The following EPB41L1 variants were observed in gnomAD, a reference collection of about 807,000 sequenced individuals.
EPB41L1 encodes the protein erythrocyte membrane protein band 4.1 like 1.
A neutral mutation model predicts 97.8 loss-of-function variants in EPB41L1; 29 were observed. That is an observed-to-expected ratio of 0.30 (90% CI 0.22 to 0.40). The LOEUF is 0.40. Among genes scored for constraint, EPB41L1 ranks in the 10% least tolerant of loss-of-function variants. The pLI, the probability that EPB41L1 is intolerant of heterozygous loss-of-function variation, is 1.00. For missense variants in EPB41L1, 812 were observed against 1,162.3 expected (o/e 0.70, Z 4.38); for synonymous variants, 383 against 459.2 (o/e 0.83, Z 2.12).
At chr20:36,218,323 C>T (rs1427815176) in intron 17 of EPB41L1, among the ~76,000 whole-genome samples, 1 of 152,152 alleles carries the variant, frequency 6.6e-6, no homozygotes, top group South Asian at 2.1e-4. Context: ...AAAATGATGC[C>T]TCGCACATAG....
chr20:36,167,504 C>T (rs1342264206), intron 1 of EPB41L1, among the ~76,000 whole-genome samples: 1 of 151,878 alleles, frequency 6.6e-6, no homozygotes, highest in East Asian at 1.9e-4. Context: ...CTCAGGAGTT[C>T]AAGACCACCC....
At chr20:36,215,541 T>A (rs771450963) in intron 17 of EPB41L1, among the ~76,000 whole-genome samples, 11 of 152,180 alleles carry the variant, frequency 7.2e-5, no homozygotes, top group Admixed American at 6.5e-5. Flanking sequence ...CACAGAAATT[T>A]TAAAATCAAT....
At chr20:36,218,815 C>T (rs371685742) in intron 17 of EPB41L1, 61 bp from the exon 18 acceptor site, 46 of 1,505,508 alleles carry the variant, frequency 3.1e-5, no homozygotes, top group African/African-American at 2.7e-4. Flanking sequence ...CCACATGCTC[C>T]GCCCATCCTG....
upstream of EPB41L1, chr20:36,154,729 G>T: frequency 1.0e-6 from 1 of 985,856 alleles, no homozygotes; most frequent in Non-Finnish European, 1.2e-6. The surrounding 1 kb of genome is among the most constrained non-coding windows in gnomAD (Gnocchi z 5.5). Flanking sequence ...CGCCGCCGCC[G>T]CCGCTGCTGC....
intron 1 of EPB41L1, among the ~76,000 whole-genome samples, chr20:36,101,839 T>TA (rs1040573755): frequency 1.6e-4 from 25 of 151,964 alleles, no homozygotes; most frequent in Non-Finnish European, 2.9e-5. Flanking sequence ...ACCCTGTCTC[T>TA]ACTAAAAATA....
intron 2 of EPB41L1, among the ~76,000 whole-genome samples, chr20:36,141,190 T>A (rs1187071239): frequency 2.0e-5 from 3 of 152,256 alleles, no homozygotes; most frequent in Non-Finnish European, 4.4e-5. Context: ...TGATTCACTC[T>A]ATGACCTTTG....
intron 4 of EPB41L1, 27 bp from the exon 5 acceptor site, chr20:36,178,603 T>C (rs941923600): frequency 5.6e-6 from 9 of 1,612,852 alleles, no homozygotes; most frequent in Admixed American, 3.3e-5. Context: ...GCGTCTTCCC[T>C]CTGAAGATCT....
intron 14 of EPB41L1, among the ~76,000 whole-genome samples, chr20:36,202,214 C>T (rs1306764238): frequency 2.0e-5 from 3 of 152,248 alleles, no homozygotes; most frequent in Admixed American, 6.5e-5. Context: ...CATTCTCCTG[C>T]AAATGTCCAT....
At chr20:36,139,231 A>G (rs1411810831) in intron 2 of EPB41L1, among the ~76,000 whole-genome samples, 2 of 152,220 alleles carry the variant, frequency 1.3e-5, no homozygotes, top group Admixed American at 1.3e-4. Context: ...CTGATTTCCT[A>G]GCAACAACAG....
intron 1 of EPB41L1, among the ~76,000 whole-genome samples, chr20:36,159,614 A>T (rs963054251): frequency 2.0e-5 from 3 of 152,188 alleles, no homozygotes; most frequent in African/African-American, 7.2e-5. Flanking sequence ...GTGGTTTGCA[A>T]ATACTTGTCC....
chr20:36,216,604 T>G (rs952656985), intron 17 of EPB41L1, among the ~76,000 whole-genome samples: 1 of 152,202 alleles, frequency 6.6e-6, no homozygotes, highest in Non-Finnish European at 1.5e-5. Flanking sequence ...AAAAAATTCT[T>G]CCCTCCTTCT....
Position 36,207,460 on chromosome 20 carries a change from A to G in EPB41L1, c.1669-2028A>G, listed in dbSNP as rs553631085. The G allele has an allele frequency of 1.0e-3, 1,333 of 1,289,744 alleles. 4 individuals carry two copies. Among genetic ancestry groups the G allele is most frequent in the Non-Finnish European group, 1.3e-3 (1,270 of 988,868 alleles). 79.9% of individuals were successfully genotyped at this position (1,289,744 alleles called of 1,614,324 possible). A position where few individuals can be genotyped will look rare whatever the true frequency, so the allele number is the denominator to read the frequency against. ...GACCTCAGTGGCCAACAAAATTCGG[A>G]TATTTGAGACCCACGGAGCTGAAAC... On this transcript the variant is annotated intron_variant, in intron 14 of 21. Transcript: ENST00000338074. The surrounding 1 kb of genome is among the most constrained non-coding windows in gnomAD (Gnocchi z 4.9).
At chr20:36,139,627 A>G (rs1014995742) in intron 2 of EPB41L1, among the ~76,000 whole-genome samples, 5 of 152,248 alleles carry the variant, frequency 3.3e-5, no homozygotes, top group Admixed American at 2.6e-4. Context: ...GTTGCTCAGT[A>G]AATAAATAGA....
At chr20:36,224,495 A>C (rs2063989040) in intron 21 of EPB41L1, among the ~76,000 whole-genome samples, 1 of 151,996 alleles carries the variant, frequency 6.6e-6, no homozygotes, top group African/African-American at 2.4e-5. Context: ...TAAAATACAA[A>C]ATTAGGAGTG....
chr20:36,103,119 C>A (rs2089244901), intron 1 of EPB41L1, among the ~76,000 whole-genome samples: 1 of 152,224 alleles, frequency 6.6e-6, no homozygotes, highest in Non-Finnish European at 1.5e-5. Flanking sequence ...TTGTCTTTAA[C>A]TCCTCTGCAC....
At chr20:36,128,750 A>C (rs138202666) in intron 2 of EPB41L1, among the ~76,000 whole-genome samples, 192 of 152,142 alleles carry the variant, frequency 1.3e-3, no homozygotes, top group African/African-American at 4.6e-3. Context: ...GTCAGAGAGG[A>C]CTTCTTAGTT....
chr20:36,145,377 C>T (rs1039173000), intron 2 of EPB41L1, among the ~76,000 whole-genome samples: 61 of 128,934 alleles, frequency 4.7e-4, no homozygotes, highest in African/African-American at 1.8e-3. Context: ...GCCTGGGCGA[C>T]AGAGGGAGAC....
intron 14 of EPB41L1, among the ~76,000 whole-genome samples, chr20:36,202,363 C>A (rs147182704): frequency 6.6e-6 from 1 of 152,328 alleles, no homozygotes; most frequent in Non-Finnish European, 1.5e-5. Context: ...TGCCCGCTAC[C>A]GCTCTGCATC....
intron 2 of EPB41L1, among the ~76,000 whole-genome samples, chr20:36,141,864 T>G (rs1367222141): frequency 6.6e-6 from 1 of 152,002 alleles, no homozygotes; most frequent in Non-Finnish European, 1.5e-5. Flanking sequence ...TCCCAGCACT[T>G]TGGGAGGCTG....
Sources: gnomAD v4.1 joint callset for allele counts (sites outside exome capture counted in the v4.1 genomes callset) on GRCh38, gnomAD v4.1.1 for gene constraint, Gnocchi (gnomAD v3.1) non-coding constraint, MANE v1.5 for transcripts, NCBI Gene and HGNC (gene_info 2026-07-23, HGNC 2026-07-21) for gene names.